Variants in SLC4A7 observed in about 807,000 individuals in gnomAD.
The protein encoded by SLC4A7 is solute carrier family 4 member 7.
In SLC4A7, 51 loss-of-function variants were observed where a neutral mutation model predicts 137.6. That is an observed-to-expected ratio of 0.37 (90% CI 0.30 to 0.47). The LOEUF (loss-of-function observed/expected upper bound fraction) is 0.47. Among genes scored for constraint, SLC4A7 ranks in the 20% least tolerant of loss-of-function variants. The pLI is 1.00. For missense variants in SLC4A7, 1,247 were observed against 1,525.4 expected (o/e 0.82, Z 3.04); for synonymous variants, 542 against 518.6 (o/e 1.05, Z -0.61).
chr3:27,423,840 A>G, intron 8 of SLC4A7, 197 bp downstream of exon 8: 1 of 499,110 alleles, frequency 2.0e-6, no homozygotes, highest in Non-Finnish European at 3.5e-6. Context: ...AAAGTTATTC[A>G]AGTACTCACA....
rs1484571885 is a variant in SLC4A7, at chr3:27,433,919, T to G, written c.775A>C (p.Asn259His). 3 of 1,613,478 alleles carry G rather than the reference T, an allele frequency of 1.9e-6. No individual in the cohort carries two copies. The highest frequency in any genetic ancestry group is 2.5e-6 in the Non-Finnish European group (3 of 1,179,754). The change falls in exon 6 of 26, where the codon AAT (asparagine) becomes CAT (histidine). Residue 259 changes from asparagine (N) to histidine (H), a missense_variant. Physicochemically the swap from Asn to His is moderately conservative, Grantham distance 68. Transcript: ENST00000454389. ...KHSDPHLLER[N>H]GEGLSASRHS... ...TGGATGCCACAACTTATCTCACCAT[T>G]CCTTTCAAGCAAGTGAGGGTCAGAA...
intron 21 of SLC4A7, 24 bp from the exon 22 acceptor site, chr3:27,390,128 G>C (rs781387150): frequency 5.7e-6 from 8 of 1,412,376 alleles, no homozygotes; most frequent in Non-Finnish European, 7.8e-6. Context: ...AAAAAACAAA[G>C]AAGTTTTCAA....
intron 1 of SLC4A7, among the ~76,000 whole-genome samples, chr3:27,476,969 C>T (rs912947777): frequency 3.3e-5 from 5 of 152,170 alleles, no homozygotes; most frequent in Admixed American, 2.6e-4. Flanking sequence ...CCCAGGAAAA[C>T]TCTATCCCCA....
chr3:27,438,483 C>T lies in SLC4A7; in HGVS notation c.290-957G>A, dbSNP rs537809161. Among the ~76,000 whole-genome samples the T allele has an allele frequency of 5.9e-5, 9 of 151,536 alleles. 1 individual carries two copies. Among genetic ancestry groups the T allele is most frequent in the South Asian group, 4.2e-4 (2 of 4,800 alleles). ...TTGTGCCATTCCACTCCAGCCTGGG[C>T]GACAGAGCAAGACTCCATCTCAAAT... On this transcript the variant is annotated intron_variant, in intron 3 of 25. Transcript: ENST00000454389.
chr3:27,375,830 C>T lies in SLC4A7; in HGVS notation c.*934G>A, dbSNP rs201824905. ...TTAATAAAGTAATACTGATCATAGA[C>T]CCTTCTGAGAGAATTCTAACTCCTG... On this transcript the variant is annotated 3_prime_UTR_variant, in exon 26 of 26. Coordinates refer to ENST00000454389, the MANE Select transcript of SLC4A7 (RefSeq NM_001321103.2). The T allele has an allele frequency of 6.6e-6, 1 of 151,782 alleles. No individual in the cohort carries two copies. Among genetic ancestry groups the T allele is most frequent in the Non-Finnish European group, 1.5e-5 (1 of 67,818 alleles). 9.4% of individuals were successfully genotyped at this position (151,782 alleles called of 1,614,324 possible).
At chr3:27,419,043 C>T (rs539394724) in intron 10 of SLC4A7, among the ~76,000 whole-genome samples, 84 of 152,108 alleles carry the variant, frequency 5.5e-4, no homozygotes, top group Non-Finnish European at 9.8e-4. Flanking sequence ...TATTTACTGG[C>T]TACCTACTAA....
At chr3:27,435,520 G>A (rs989657589) in intron 5 of SLC4A7, among the ~76,000 whole-genome samples, 5 of 152,018 alleles carry the variant, frequency 3.3e-5, no homozygotes, top group Non-Finnish European at 7.4e-5. Context: ...AAACCATCAA[G>A]ACCACCAAAA....
intron 8 of SLC4A7, among the ~76,000 whole-genome samples, chr3:27,423,008 A>T (rs2055155665): frequency 1.3e-5 from 2 of 152,258 alleles, no homozygotes; most frequent in Non-Finnish European, 1.5e-5. Context: ...CAATTTTGTT[A>T]CTAAGTACTT....
intron 16 of SLC4A7, among the ~76,000 whole-genome samples, 190 bp downstream of exon 16, chr3:27,400,574 C>A (rs1413705895): frequency 6.6e-6 from 1 of 152,166 alleles, no homozygotes; most frequent in African/African-American, 2.4e-5. Flanking sequence ...CAGTTTCATT[C>A]TTTTCAGCCT....
chr3:27,473,601 G>A (rs530952767), intron 1 of SLC4A7, among the ~76,000 whole-genome samples: 1 of 151,104 alleles, frequency 6.6e-6, no homozygotes, highest in Non-Finnish European at 1.5e-5. Context: ...CCAGCTACTC[G>A]GGAGGCTGAG....
intron 1 of SLC4A7, among the ~76,000 whole-genome samples, chr3:27,478,575 G>C (rs943351575): frequency 1.4e-4 from 21 of 150,758 alleles, no homozygotes; most frequent in Non-Finnish European, 3.1e-4. Flanking sequence ...ATTAACAGTG[G>C]ACTATGCTTT....
intron 1 of SLC4A7, among the ~76,000 whole-genome samples, chr3:27,465,689 G>A (rs1389702734): frequency 2.0e-5 from 3 of 151,954 alleles, no homozygotes; most frequent in Non-Finnish European, 4.4e-5. Flanking sequence ...GGCCGGCACC[G>A]TGGCTCACGC....
intron 1 of SLC4A7, among the ~76,000 whole-genome samples, chr3:27,453,032 G>A (rs1221576117): frequency 6.6e-6 from 1 of 152,138 alleles, no homozygotes; most frequent in Non-Finnish European, 1.5e-5. Context: ...TTCCCCCAAA[G>A]TAAAATTCAT....
chr3:27,483,929 C>T, intron 1 of SLC4A7, 138 bp downstream of exon 1: 1 of 582,396 alleles, frequency 1.7e-6, no homozygotes. Context: ...GCGAGGCGCG[C>T]CGGCCGCCGG....
chr3:27,444,119 C>A (rs558376454), intron 3 of SLC4A7, among the ~76,000 whole-genome samples: 1 of 152,230 alleles, frequency 6.6e-6, no homozygotes, highest in African/African-American at 2.4e-5. Context: ...CTTCCATATC[C>A]TTATCAATAT....
intron 1 of SLC4A7, chr3:27,456,722 A>G (rs1245054842): frequency 1.2e-6 from 2 of 1,606,582 alleles, no homozygotes; most frequent in South Asian, 1.1e-5. Flanking sequence ...GATGTAATGC[A>G]GTAACTCCCT....
rs975584632 is a variant in SLC4A7 at position 27,374,956 on chromosome 3, A to G, written c.*1808T>C. 1.3e-5 allele frequency: 2 copies of G among 152,452 alleles called. No individual in the cohort carries two copies. Among genetic ancestry groups the G allele is most frequent in the African/African-American group, 4.8e-5 (2 of 41,446 alleles). 9.4% of individuals were successfully genotyped at this position (152,452 alleles called of 1,614,324 possible). ...TAATAAGCACCGTGGGTAATACTCT[A>G]TCAATTGCCAATAGAGTCTAACTCT... On this transcript the variant is annotated 3_prime_UTR_variant, in exon 26 of 26. Coordinates refer to ENST00000454389, the MANE Select transcript of SLC4A7 (RefSeq NM_001321103.2).
chr3:27,398,248 A>G lies in SLC4A7; in HGVS notation c.2533T>C (p.Phe845Leu). The G allele has an allele frequency of 6.2e-7, 1 of 1,613,380 alleles. No homozygotes were observed. Among genetic ancestry groups the G allele is most frequent in the Non-Finnish European group, 8.5e-7 (1 of 1,179,428 alleles). Residue 845 changes from phenylalanine to leucine, a missense_variant, in exon 17 of 26, where the codon TTT (phenylalanine) becomes CTT (leucine). Coordinates refer to ENST00000454389, the MANE Select transcript of SLC4A7 (RefSeq NM_001321103.2). ...FWCVILFFTT[F>L]FLSSFLKQFK... ...TGCTTGAGGAATGAAGACAGAAAAA[A>G]TGTTGTGAAAAACAAGATGACACAC...
intron 1 of SLC4A7, among the ~76,000 whole-genome samples, chr3:27,470,006 A>T (rs1205997001): frequency 2.6e-5 from 4 of 152,234 alleles, no homozygotes; most frequent in African/African-American, 9.6e-5. Context: ...ATGTATTGGC[A>T]TACATATAAA....
Sources: gnomAD v4.1 joint callset for allele counts (sites outside exome capture counted in the v4.1 genomes callset) on GRCh38, gnomAD v4.1.1 for gene constraint, MANE v1.5 for transcripts, NCBI Gene and HGNC (gene_info 2026-07-23, HGNC 2026-07-21) for gene names.